SLC24A2: variants seen among roughly 807,000 people sequenced by gnomAD.
The protein encoded by SLC24A2 is sodium/potassium/calcium exchanger 2.
SLC24A2 carries 36 observed loss-of-function variants against 62.0 expected under a neutral mutation model. The ratio of observed to expected loss-of-function variants is 0.58; its 90% CI spans 0.44 to 0.77. The LOEUF (loss-of-function observed/expected upper bound fraction) is 0.77. Among genes scored for constraint, SLC24A2 ranks in the 30% least tolerant of loss-of-function variants. SLC24A2 has a pLI of 0.00. For missense variants in SLC24A2, 846 were observed against 817.9 expected (o/e 1.03, Z -0.42); for synonymous variants, 358 against 294.0 (o/e 1.22, Z -2.23).
At chr9:19,739,720 T>C (rs1323357392) in intron 2 of SLC24A2, among the ~76,000 whole-genome samples, 1 of 152,210 alleles carries the variant, frequency 6.6e-6, no homozygotes, top group Non-Finnish European at 1.5e-5. Flanking sequence ...AAAGCTTCTA[T>C]AACACAGGTG....
intron 2 of SLC24A2, among the ~76,000 whole-genome samples, chr9:19,671,825 G>A (rs550556260): frequency 1.7e-5 from 2 of 120,076 alleles, no homozygotes; most frequent in East Asian, 3.9e-4. Context: ...TATGATTTTT[G>A]TTTTTAACTC....
chr9:19,845,537 G>T, the SLC24A2 span, among the ~76,000 whole-genome samples: 1 of 152,032 alleles, frequency 6.6e-6, no homozygotes, highest in African/African-American at 2.4e-5. Flanking sequence ...TGCTTTCAAA[G>T]AGCCAACATT....
the SLC24A2 span, among the ~76,000 whole-genome samples, chr9:20,003,017 G>T: frequency 7.9e-5 from 12 of 152,162 alleles, no homozygotes; most frequent in African/African-American, 2.9e-4. Context: ...CTTTCGAAAA[G>T]GGGACCTGTA....
chr9:19,545,790 C>T (rs1003935322), intron 8 of SLC24A2, among the ~76,000 whole-genome samples: 5 of 152,066 alleles, frequency 3.3e-5, no homozygotes, highest in African/African-American at 7.2e-5. Flanking sequence ...AGGCACCCAC[C>T]ACCACGCCTG....
chr9:19,597,620 G>T (rs1321452026), intron 4 of SLC24A2, among the ~76,000 whole-genome samples: 1 of 152,186 alleles, frequency 6.6e-6, no homozygotes, highest in East Asian at 1.9e-4. Flanking sequence ...GACACTCCGA[G>T]AGAAAGGGAC....
the SLC24A2 span, among the ~76,000 whole-genome samples, chr9:19,866,817 A>G: frequency 2.6e-5 from 4 of 151,744 alleles, no homozygotes; most frequent in Non-Finnish European, 5.9e-5. Flanking sequence ...TTGTATTTTT[A>G]GTAGAGACGG....
chr9:20,258,808 CTATCT>C, the SLC24A2 span, among the ~76,000 whole-genome samples: 1,151 of 140,086 alleles, frequency 8.2e-3, 13 homozygotes, highest in African/African-American at 0.027. Context: ...ATCTATCTAT[CTATCT>C]ACCTTATCTA....
At chr9:20,186,852 T>A in the SLC24A2 span, among the ~76,000 whole-genome samples, 2 of 152,196 alleles carry the variant, frequency 1.3e-5, no homozygotes, top group African/African-American at 2.4e-5. Flanking sequence ...CTCCAGATTA[T>A]AATTTTCCTT....
the SLC24A2 span, among the ~76,000 whole-genome samples, chr9:20,075,923 C>T: frequency 5.3e-5 from 8 of 152,094 alleles, no homozygotes; most frequent in South Asian, 1.0e-3. Context: ...AAAATGGTGT[C>T]GTATTTGCAT....
rs4977236 is a variant in SLC24A2 at position 19,731,544 on chromosome 9, C to T, written c.930+54393G>A. Among the ~76,000 whole-genome samples the T allele has an allele frequency of 0.014, 641 of 45,530 alleles. 2 individuals carry two copies. The East Asian group carries it at 0.19, about 13-fold the overall frequency. The allele number at this position is 45,530 out of a possible 152,430, so 29.9% of individuals were successfully genotyped here. On this transcript the variant is annotated intron_variant, in intron 2 of 10. Coordinates refer to ENST00000341998, the MANE Select transcript of SLC24A2 (RefSeq NM_020344.4). ...GTGTGTGTGTGTGTGTGTGTGTGTG[C>T]ATGTGTGCACATGCACACAGGCTAT...
rs760889415 is a variant in SLC24A2 at position 19,576,985 on chromosome 9, G to A, written c.1167C>T (p.Ile389=). 21 of 1,614,016 alleles carry A rather than the reference G, an allele frequency of 1.3e-5. No individual in the cohort carries two copies. The highest frequency in any genetic ancestry group is 1.0e-4 in the Admixed American group (6 of 59,996). Residue 389 remains isoleucine (I), a synonymous_variant, in exon 6 of 11, where the codon ATC becomes ATT. Transcript: ENST00000341998. ...FREKASILHK[I]AKKKCHVDEN... ...CATCCACATGACATTTCTTCTTGGC[G>A]ATCTTGTGGAGAATTGAAGCCTTTT... is the stretch of plus-strand genomic sequence containing the variant.
the SLC24A2 span, among the ~76,000 whole-genome samples, chr9:20,035,311 T>G: frequency 6.6e-6 from 1 of 152,242 alleles, no homozygotes; most frequent in East Asian, 1.9e-4. Context: ...GTGTCCATTA[T>G]ATAGGAAATG....
the SLC24A2 span, among the ~76,000 whole-genome samples, chr9:19,832,774 A>G: frequency 6.6e-6 from 1 of 152,166 alleles, no homozygotes; most frequent in East Asian, 1.9e-4. Context: ...TTCTGCACAG[A>G]AAAGAAACTA....
the SLC24A2 span, among the ~76,000 whole-genome samples, chr9:19,885,226 A>G: frequency 2.6e-5 from 4 of 152,108 alleles, no homozygotes; most frequent in African/African-American, 7.2e-5. Context: ...CTGACCCATC[A>G]CTGTGGCCAG....
At chr9:20,103,308 A>G in the SLC24A2 span, among the ~76,000 whole-genome samples, 1 of 152,176 alleles carries the variant, frequency 6.6e-6, no homozygotes, top group Non-Finnish European at 1.5e-5. Flanking sequence ...ACCTCTGCAG[A>G]CTTAAAAGTC....
At chr9:20,307,880 A>C in the SLC24A2 span, among the ~76,000 whole-genome samples, 3 of 152,110 alleles carry the variant, frequency 2.0e-5, no homozygotes, top group African/African-American at 4.8e-5. Context: ...ATTTGACTAC[A>C]AGATTTACCA....
chr9:20,263,751 T>A, the SLC24A2 span, among the ~76,000 whole-genome samples: 3 of 151,896 alleles, frequency 2.0e-5, no homozygotes, highest in East Asian at 5.8e-4. Context: ...TTTGGAAGAC[T>A]TGCAATGTTC....
At chr9:19,912,501 G>C in the SLC24A2 span, among the ~76,000 whole-genome samples, 5 of 152,088 alleles carry the variant, frequency 3.3e-5, no homozygotes, top group Non-Finnish European at 5.9e-5. Context: ...GCTCTCTACA[G>C]TACAACAGAT....
the SLC24A2 span, among the ~76,000 whole-genome samples, chr9:20,205,744 C>T: frequency 9.3e-5 from 14 of 150,680 alleles, no homozygotes; most frequent in African/African-American, 2.4e-4. Flanking sequence ...GGAAGATGAC[C>T]GAAGTGAGAC....
Sources: allele counts gnomAD v4.1 joint callset (sites outside exome capture counted in the v4.1 genomes callset), GRCh38; gene constraint gnomAD v4.1.1; transcripts MANE v1.5; gene names NCBI Gene and HGNC (gene_info 2026-07-23, HGNC 2026-07-21).